The following GPAM variants were observed in gnomAD, a reference collection of about 807,000 sequenced individuals.
GPAM encodes the protein glycerol-3-phosphate acyltransferase 1, mitochondrial.
A neutral mutation model predicts 105.0 loss-of-function variants in GPAM; 56 were observed. The ratio of observed to expected loss-of-function variants is 0.53; its 90% confidence interval spans 0.43 to 0.67. The LOEUF is 0.67. Among genes scored for constraint, GPAM ranks in the 30% least tolerant of loss-of-function variants. The probability of loss-of-function intolerance (pLI) is 0.00; values close to 1 mark genes in which losing one functional copy is unlikely to be tolerated. For synonymous variants in GPAM, 368 were observed against 354.4 expected (o/e 1.04, Z -0.43); for missense variants, 855 against 989.8 (o/e 0.86, Z 1.83).
In GPAM at chr10:112,175,680, G is replaced by C. The variant is rs766519685; in HGVS notation, c.333C>G (p.Tyr111Ter). The change falls in exon 6 of 22, where the codon TAC (tyrosine) becomes TAG (stop). Residue 111 changes from tyrosine (Y) to a stop codon, truncating the protein, a stop_gained. Transcript: ENST00000348367. LOFTEE classifies it high-confidence loss of function. ...CATCTCGCTCTTGAATAAAAAGAACGTAAGAAAGGCGTCTTGCAAGCCATC... is the reference window on the plus strand; with the variant it reads ...CATCTCGCTCTTGAATAAAAAGAACCTAAGAAAGGCGTCTTGCAAGCCATC... Reference protein sequence around the residue: ...HRGWLARRLSYVLFIQERDVH... With the variant: ...HRGWLARRLS 6.2e-7 allele frequency: 1 copy of C among 1,612,876 alleles called. No homozygotes were observed. Among genetic ancestry groups the C allele is most frequent in the Non-Finnish European group, 8.5e-7 (1 of 1,178,930 alleles).
rs1846900397 is a variant in GPAM at position 112,150,718 on chromosome 10, A to C, written c.*2832T>G. The stretch of plus-strand genomic sequence containing the variant: ...CGGATGCCAAGCCCTTACTGCGCTA[A>C]AGTGCATTGTAAGTTTCCAGGTGCA... On this transcript the variant is annotated 3_prime_UTR_variant, in exon 22 of 22. Transcript: ENST00000348367. 1 of 977,210 alleles carries C rather than the reference A, an allele frequency of 1.0e-6. No individual in the cohort carries two copies. Among genetic ancestry groups the C allele is most frequent in the South Asian group, 4.7e-5 (1 of 21,144 alleles). 60.5% of individuals were successfully genotyped at this position (977,210 alleles called of 1,614,324 possible). A position where few individuals can be genotyped will look rare whatever the true frequency, so the allele number is the denominator to read the frequency against.
upstream of GPAM, among the ~76,000 whole-genome samples, chr10:112,219,255 C>T (rs1047930282): frequency 3.3e-5 from 5 of 152,224 alleles, no homozygotes; most frequent in Non-Finnish European, 7.3e-5. Flanking sequence ...GGGGGTAAAG[C>T]TCTCCATGGG....
chr10:112,160,123 T>C (rs1229155702), intron 16 of GPAM, 70 bp from the exon 17 acceptor site: 6 of 1,431,936 alleles, frequency 4.2e-6, no homozygotes, highest in Non-Finnish European at 5.9e-6. Flanking sequence ...CTGGCTTGAA[T>C]AACCTTAAGA....
upstream of GPAM, among the ~76,000 whole-genome samples, chr10:112,217,778 A>G (rs1847985569): frequency 6.6e-6 from 1 of 152,196 alleles, no homozygotes; most frequent in Admixed American, 6.5e-5. Context: ...CTTTAGAGTA[A>G]CTTGCCAAAA....
chr10:112,174,801 C>A (rs1564680924), intron 6 of GPAM, among the ~76,000 whole-genome samples: 1 of 152,178 alleles, frequency 6.6e-6, no homozygotes, highest in Non-Finnish European at 1.5e-5. Flanking sequence ...GACTGATGCA[C>A]CTCCATTATC....
chr10:112,164,649 T>G (rs1049956681), intron 12 of GPAM, 39 bp from the exon 13 acceptor site: 1 of 1,025,918 alleles, frequency 9.7e-7, no homozygotes, highest in African/African-American at 1.6e-5. Flanking sequence ...TACCCTCACT[T>G]TCGCACCAAC....
chr10:112,168,493 A>C lies in GPAM; in HGVS notation c.926T>G (p.Phe309Cys). The change falls in exon 11 of 22, where the codon TTC becomes TGC. Residue 309 changes from phenylalanine to cysteine, a missense_variant. Physicochemically the swap from Phe to Cys is radical, Grantham distance 205. Coordinates refer to ENST00000348367, the MANE Select transcript of GPAM (RefSeq NM_001244949.2). ...HIVELLRQQQ[F>C]LEIFLEGTRS... ...TGTGCCTTCCAGGAAGATCTCCAAG[A>C]ATTGCTGCTGTCGAAGTAATTCAAC... The C allele has an allele frequency of 6.2e-7, 1 of 1,612,016 alleles. No homozygotes were observed. Among genetic ancestry groups the C allele is most frequent in the Non-Finnish European group, 8.5e-7 (1 of 1,178,058 alleles).
At chr10:112,175,800 C>A in intron 5 of GPAM, 87 bp from the exon 6 acceptor site, 2 of 808,132 alleles carry the variant, frequency 2.5e-6, no homozygotes, top group Admixed American at 3.8e-5. Flanking sequence ...CCCATAAAAA[C>A]AAAGCCTAAT....
intron 1 of GPAM, among the ~76,000 whole-genome samples, chr10:112,198,741 T>C (rs887813829): frequency 5.3e-5 from 8 of 152,208 alleles, no homozygotes; most frequent in Non-Finnish European, 4.4e-5. Flanking sequence ...ATTGCAGCAT[T>C]ATTCACAATA....
At chr10:112,206,763 T>C (rs1847855161) in intron 1 of GPAM, among the ~76,000 whole-genome samples, 1 of 149,416 alleles carries the variant, frequency 6.7e-6, no homozygotes, top group South Asian at 2.1e-4. Context: ...GGCACATGTA[T>C]ACATATGTAA....
intron 13 of GPAM, 113 bp downstream of exon 13, chr10:112,164,412 T>A (rs1847177229): frequency 1.4e-6 from 1 of 707,008 alleles, no homozygotes; most frequent in African/African-American, 1.8e-5. Flanking sequence ...GAAAAGTTAC[T>A]TAAGAAGTGA....
chr10:112,210,166 G>C (rs1440491946), intron 1 of GPAM, among the ~76,000 whole-genome samples: 1 of 152,250 alleles, frequency 6.6e-6, no homozygotes, highest in African/African-American at 2.4e-5. Context: ...TGAAGGATGA[G>C]AGTGAATATT....
upstream of GPAM, among the ~76,000 whole-genome samples, chr10:112,220,093 C>T (rs1187205435): frequency 6.6e-6 from 1 of 152,104 alleles, no homozygotes; most frequent in Non-Finnish European, 1.5e-5. Context: ...TTTTGCATTT[C>T]TGACTACTGA....
upstream of GPAM, among the ~76,000 whole-genome samples, chr10:112,188,420 G>A (rs540624584): frequency 3.9e-4 from 59 of 152,136 alleles, no homozygotes; most frequent in Admixed American, 1.1e-3. Context: ...TTGTTTTCAG[G>A]GTGGTGTACC....
At chr10:112,160,546 T>C (rs1426477948) in intron 16 of GPAM, 58 bp downstream of exon 16, 1 of 1,491,794 alleles carries the variant, frequency 6.7e-7, no homozygotes. Flanking sequence ...CCACTATGTG[T>C]TTTAGGCCTT....
intron 14 of GPAM, among the ~76,000 whole-genome samples, chr10:112,163,303 C>T (rs1388382093): frequency 6.6e-6 from 1 of 152,140 alleles, no homozygotes; most frequent in Non-Finnish European, 1.5e-5. Flanking sequence ...TTATACAAGG[C>T]CACTCATATT....
rs1846899380 is a variant in GPAM, at chr10:112,150,670, T to A, written c.*2880A>T. 1.1e-6 allele frequency: 1 copy of A among 916,936 alleles called. No individual in the cohort carries two copies. The highest frequency in any genetic ancestry group is 1.8e-5 in the African/African-American group (1 of 55,868). 56.8% of individuals were successfully genotyped at this position (916,936 alleles called of 1,614,324 possible). On this transcript the variant is annotated 3_prime_UTR_variant, in exon 22 of 22. Transcript: ENST00000348367. ...GGTGTCAAAATAGTTTGGGCAATGC[T>A]GGGTTAGACAGTTTTTCACTACCGG...
intron 17 of GPAM, among the ~76,000 whole-genome samples, chr10:112,159,542 C>T (rs779894496): frequency 3.3e-5 from 5 of 152,108 alleles, no homozygotes; most frequent in Non-Finnish European, 7.4e-5. Flanking sequence ...ATTTTTAAGG[C>T]TGCTTCTGAC....
chr10:112,211,539 C>G (rs373082670), intron 1 of GPAM, among the ~76,000 whole-genome samples: 3 of 152,210 alleles, frequency 2.0e-5, no homozygotes, highest in South Asian at 4.1e-4. Context: ...CCCATCGAAA[C>G]TAGGTCCTCT....
Sources: gnomAD v4.1 joint callset for allele counts (sites outside exome capture counted in the v4.1 genomes callset) on GRCh38, gnomAD v4.1.1 for gene constraint, MANE v1.5 for transcripts, NCBI Gene and HGNC (gene_info 2026-07-23, HGNC 2026-07-21) for gene names.